Variants in EEFSEC observed in about 807,000 individuals in gnomAD.
EEFSEC encodes selenocysteine-specific elongation factor.
Under a neutral mutation model 42.1 loss-of-function variants are expected in EEFSEC, and 43 were observed. The observed-to-expected ratio is 1.02, with a 90% confidence interval of 0.80 to 1.32. The LOEUF (loss-of-function observed/expected upper bound fraction) is 1.32. Among genes scored for constraint, EEFSEC ranks in the 40% most tolerant of loss-of-function variants. The pLI, the probability that EEFSEC is intolerant of heterozygous loss-of-function variation, is 0.00. For missense variants in EEFSEC, 745 were observed against 803.6 expected, an observed-to-expected ratio of 0.93 and a Z score of 0.88; for synonymous variants, 354 against 339.1, an observed-to-expected ratio of 1.04 and a Z score of -0.48.
At chr3:128,198,207 C>G (rs1445312012) in intron 1 of EEFSEC, among the ~76,000 whole-genome samples, 4 of 152,190 alleles carry the variant, frequency 2.6e-5, no homozygotes, top group Admixed American at 2.6e-4. Context: ...ATCATTTGAA[C>G]TTTGCCAAAA....
intron 4 of EEFSEC, among the ~76,000 whole-genome samples, chr3:128,332,457 A>AT (rs2067144290): frequency 6.6e-6 from 1 of 152,170 alleles, no homozygotes; most frequent in Non-Finnish European, 1.5e-5. Flanking sequence ...TCCATTGAGT[A>AT]TTTTTTATTT....
In EEFSEC at chr3:128,189,647, G is replaced by A. The variant is rs563559129; in HGVS notation, c.316+35824G>A. On this transcript the variant is annotated intron_variant, in intron 1 of 6. Coordinates refer to ENST00000254730, the MANE Select transcript of EEFSEC (RefSeq NM_021937.5). ...ATCTCAGCTCACTGCAACCTCTGCC[G>A]CCTTGCCTCAAGCGATCCTCCCACC... Among the ~76,000 whole-genome samples the A allele has an allele frequency of 5.4e-4, 79 of 145,568 alleles. 1 individual carries two copies. Among genetic ancestry groups the A allele is most frequent in the Non-Finnish European group, 1.1e-3 (74 of 66,800 alleles).
At chr3:128,313,715 A>T (rs968983546) in intron 4 of EEFSEC, among the ~76,000 whole-genome samples, 2 of 152,254 alleles carry the variant, frequency 1.3e-5, no homozygotes, top group Admixed American at 6.5e-5. Flanking sequence ...CCGGGCTCTC[A>T]TGAGATGTGT....
At chr3:128,323,047 A>G (rs2067025294) in intron 4 of EEFSEC, among the ~76,000 whole-genome samples, 1 of 152,196 alleles carries the variant, frequency 6.6e-6, no homozygotes, top group African/African-American at 2.4e-5. Context: ...ACAACTGATA[A>G]AGTTTTAAGA....
At chr3:128,359,817 T>C (rs1439185362) in intron 6 of EEFSEC, among the ~76,000 whole-genome samples, 1 of 152,200 alleles carries the variant, frequency 6.6e-6, no homozygotes, top group Non-Finnish European at 1.5e-5. Context: ...TTATGGCTTC[T>C]TGTGTCAAAT....
chr3:128,229,231 G>A (rs754577753), intron 1 of EEFSEC, among the ~76,000 whole-genome samples: 1 of 152,176 alleles, frequency 6.6e-6, no homozygotes, highest in Non-Finnish European at 1.5e-5. Context: ...GTGGGGCCTC[G>A]GTCCAGAGTG....
chr3:128,195,881 C>T (rs750640340), intron 1 of EEFSEC, among the ~76,000 whole-genome samples: 5 of 152,210 alleles, frequency 3.3e-5, no homozygotes, highest in Non-Finnish European at 5.9e-5. Flanking sequence ...CCAAACAGAA[C>T]GCATATAACT....
intron 6 of EEFSEC, among the ~76,000 whole-genome samples, chr3:128,393,783 G>A (rs1270834947): frequency 6.6e-6 from 1 of 152,276 alleles, no homozygotes; most frequent in East Asian, 1.9e-4. Context: ...GAGCCAAGAG[G>A]CAGTTACAGT....
intron 4 of EEFSEC, among the ~76,000 whole-genome samples, chr3:128,281,328 C>T (rs947985926): frequency 2.6e-5 from 4 of 152,178 alleles, no homozygotes; most frequent in Admixed American, 6.5e-5. Flanking sequence ...CTCTGGGGTC[C>T]CTAGGAGTGA....
chr3:128,210,061 G>A (rs980994274), intron 1 of EEFSEC, among the ~76,000 whole-genome samples: 6 of 152,312 alleles, frequency 3.9e-5, no homozygotes, highest in East Asian at 3.9e-4. Flanking sequence ...TGGTGGTTCC[G>A]AATGGGTAAG....
chr3:128,214,311 G>A (rs895957140), intron 1 of EEFSEC, among the ~76,000 whole-genome samples: 1 of 152,236 alleles, frequency 6.6e-6, no homozygotes, highest in African/African-American at 2.4e-5. Context: ...GCTGTGCTGT[G>A]TTCAGTATTC....
At chr3:128,364,966 T>A (rs2067571754) in intron 6 of EEFSEC, among the ~76,000 whole-genome samples, 1 of 152,166 alleles carries the variant, frequency 6.6e-6, no homozygotes, top group Non-Finnish European at 1.5e-5. Flanking sequence ...CAGGAGTAAG[T>A]GGGCACAGCA....
intron 6 of EEFSEC, among the ~76,000 whole-genome samples, chr3:128,390,762 C>T (rs1188283356): frequency 3.3e-5 from 5 of 152,218 alleles, no homozygotes; most frequent in Non-Finnish European, 7.4e-5. Flanking sequence ...ACCCCACTTT[C>T]TGCACCACTC....
chr3:128,320,951 A>C (rs2067001566), intron 4 of EEFSEC, among the ~76,000 whole-genome samples: 1 of 152,212 alleles, frequency 6.6e-6, no homozygotes, highest in African/African-American at 2.4e-5. Flanking sequence ...ACATAACGGG[A>C]CCTACCTCTT....
At chr3:128,258,128 G>T (rs2066261287) in intron 2 of EEFSEC, among the ~76,000 whole-genome samples, 1 of 152,190 alleles carries the variant, frequency 6.6e-6, no homozygotes, top group Non-Finnish European at 1.5e-5. Flanking sequence ...GGGACAATTG[G>T]TCTATGTGCA....
At chr3:128,300,580 A>T (rs1343433582) in intron 4 of EEFSEC, among the ~76,000 whole-genome samples, 3 of 151,142 alleles carry the variant, frequency 2.0e-5, no homozygotes, top group Non-Finnish European at 4.4e-5. Context: ...GTGATGAAAT[A>T]TACTATTAAT....
At chr3:128,178,037 T>G (rs940649866) in intron 1 of EEFSEC, among the ~76,000 whole-genome samples, 1 of 152,226 alleles carries the variant, frequency 6.6e-6, no homozygotes, top group South Asian at 2.1e-4. Context: ...GATTAGTTTA[T>G]GTGCATGTTG....
At chr3:128,304,171 T>G (rs1010748257) in intron 4 of EEFSEC, among the ~76,000 whole-genome samples, 1 of 151,958 alleles carries the variant, frequency 6.6e-6, no homozygotes, top group East Asian at 1.9e-4. Context: ...TACTGGTGCA[T>G]TTTTCAGATG....
intron 1 of EEFSEC, among the ~76,000 whole-genome samples, chr3:128,241,257 A>G (rs1276943107): frequency 1.7e-4 from 21 of 124,094 alleles, no homozygotes; most frequent in African/African-American, 6.6e-4. Context: ...CCCAGGCTGG[A>G]GTACAGTGGT....
Sources: allele counts gnomAD v4.1 joint callset (sites outside exome capture counted in the v4.1 genomes callset), GRCh38; gene constraint gnomAD v4.1.1; transcripts MANE v1.5; gene names NCBI Gene and HGNC (gene_info 2026-07-23, HGNC 2026-07-21).